Variants in BRINP3 observed in about 807,000 individuals in gnomAD.
BRINP3 encodes BMP/retinoic acid inducible neural specific 3, also known as BMP/retinoic acid-inducible neural-specific protein 3.
In BRINP3, 19 loss-of-function variants were observed where a neutral mutation model predicts 71.0. The observed-to-expected ratio is 0.27, with a 90% CI of 0.19 to 0.39. BRINP3 has a LOEUF of 0.39. Ranked by LOEUF, BRINP3 falls within the 10% of genes least tolerant of loss-of-function variation. BRINP3 has a pLI of 1.00. For missense variants in BRINP3, 959 were observed against 940.8 expected, an observed-to-expected ratio of 1.02 and a Z score of -0.25; for synonymous variants, 380 against 337.7, an observed-to-expected ratio of 1.13 and a Z score of -1.37.
At chr1:190,109,880 G>T (rs548759065) in intron 7 of BRINP3, among the ~76,000 whole-genome samples, 1 of 152,338 alleles carries the variant, frequency 6.6e-6, no homozygotes, top group Admixed American at 6.5e-5. Flanking sequence ...CTCTGGTTCA[G>T]AGGCTTTCAG....
At chr1:190,193,515 A>C (rs1159492953) in intron 6 of BRINP3, among the ~76,000 whole-genome samples, 6 of 152,006 alleles carry the variant, frequency 3.9e-5, no homozygotes, top group Non-Finnish European at 5.9e-5. Context: ...GCCCCTCCCC[A>C]AAAAATACAT....
chr1:190,436,136 G>A (rs1392439993), intron 2 of BRINP3, among the ~76,000 whole-genome samples: 1 of 151,604 alleles, frequency 6.6e-6, no homozygotes, highest in Admixed American at 6.6e-5. Context: ...TTTTTGCCCT[G>A]CTTATTTCAT....
intron 4 of BRINP3, among the ~76,000 whole-genome samples, chr1:190,236,171 G>T (rs1299590387): frequency 6.6e-6 from 1 of 151,846 alleles, no homozygotes; most frequent in Non-Finnish European, 1.5e-5. Flanking sequence ...ACATAACAAG[G>T]TTATGAAATG....
intron 5 of BRINP3, among the ~76,000 whole-genome samples, chr1:190,228,402 C>T (rs982281911): frequency 1.3e-5 from 2 of 151,434 alleles, no homozygotes; most frequent in Non-Finnish European, 2.9e-5. Context: ...AACCAAAGAA[C>T]TCGCGTACCA....
At chr1:190,222,662 G>A (rs1656996544) in intron 6 of BRINP3, among the ~76,000 whole-genome samples, 1 of 151,536 alleles carries the variant, frequency 6.6e-6, no homozygotes, top group Non-Finnish European at 1.5e-5. Flanking sequence ...AAAGGAAGAA[G>A]AGGCAAATAA....
In BRINP3 at chr1:190,276,780, T is replaced by A. The variant is rs74129267; in HGVS notation, c.427+4780A>T. On this transcript the variant is annotated intron_variant, in intron 3 of 7. Transcript: ENST00000367462. ...TTTTTATTCCAACAATGAAGAGAAT[T>A]TTTTTTGTATTGAAACAAAATTAAA... Among the ~76,000 whole-genome samples, 537 of 151,266 alleles carry A rather than the reference T, an allele frequency of 3.6e-3. 5 individuals carry two copies. Among genetic ancestry groups the A allele is most frequent in the African/African-American group, 0.012 (499 of 41,378 alleles).
intron 7 of BRINP3, among the ~76,000 whole-genome samples, chr1:190,154,834 C>T (rs769544560): frequency 1.3e-5 from 2 of 151,962 alleles, no homozygotes; most frequent in Non-Finnish European, 2.9e-5. Flanking sequence ...CATGGAAAAC[C>T]ATTTTTACTT....
intron 6 of BRINP3, among the ~76,000 whole-genome samples, chr1:190,187,791 T>C (rs1653669685): frequency 1.3e-5 from 2 of 152,070 alleles, no homozygotes; most frequent in Non-Finnish European, 2.9e-5. Flanking sequence ...AGCTTTATAG[T>C]GTATTTTGAG....
chr1:190,132,038 T>C (rs970393335), intron 7 of BRINP3, among the ~76,000 whole-genome samples: 14 of 152,014 alleles, frequency 9.2e-5, no homozygotes, highest in Admixed American at 2.0e-4. Flanking sequence ...AGTTTGCCAA[T>C]TGTCTGTAAT....
chr1:190,141,253 A>G (rs1442088041), intron 7 of BRINP3, among the ~76,000 whole-genome samples: 2 of 152,014 alleles, frequency 1.3e-5, no homozygotes, highest in African/African-American at 4.8e-5. Flanking sequence ...TTAATATAAT[A>G]TATTTTATAG....
intron 2 of BRINP3, among the ~76,000 whole-genome samples, chr1:190,394,562 C>A (rs921152455): frequency 8.6e-5 from 13 of 151,628 alleles, no homozygotes; most frequent in African/African-American, 3.1e-4. Context: ...TCCTAATCTT[C>A]TCTCAGATAA....
intron 1 of BRINP3, among the ~76,000 whole-genome samples, chr1:190,467,265 T>C (rs1354549652): frequency 6.6e-6 from 1 of 151,580 alleles, no homozygotes; most frequent in African/African-American, 2.4e-5. Context: ...AGCAAAAAAC[T>C]GTAAGCATCT....
At chr1:190,412,608 G>A (rs1672762155) in intron 2 of BRINP3, among the ~76,000 whole-genome samples, 1 of 149,336 alleles carries the variant, frequency 6.7e-6, no homozygotes, top group African/African-American at 2.4e-5. Context: ...GACTACAGGT[G>A]CCCGCCACTA....
At chr1:190,161,594 CTG>C (rs1352781893) in intron 6 of BRINP3, among the ~76,000 whole-genome samples, 8 of 151,934 alleles carry the variant, frequency 5.3e-5, no homozygotes, top group Admixed American at 6.6e-5. Context: ...AATAATTGTG[CTG>C]TCTTTTCAAC....
chr1:190,167,586 T>A (rs1366292040), intron 6 of BRINP3, among the ~76,000 whole-genome samples: 1 of 152,164 alleles, frequency 6.6e-6, no homozygotes, highest in Non-Finnish European at 1.5e-5. Flanking sequence ...CTCTTGCAGC[T>A]GTAGGGCTTC....
At chr1:190,432,982 T>C (rs1466381291) in intron 2 of BRINP3, among the ~76,000 whole-genome samples, 1 of 152,216 alleles carries the variant, frequency 6.6e-6, no homozygotes, top group Non-Finnish European at 1.5e-5. Flanking sequence ...ATATCAATTA[T>C]AGTGTTAAAT....
At chr1:190,382,101 T>C (rs1435611175) in intron 2 of BRINP3, among the ~76,000 whole-genome samples, 1 of 152,134 alleles carries the variant, frequency 6.6e-6, no homozygotes, top group African/African-American at 2.4e-5. Flanking sequence ...ATTTTTCTAC[T>C]TCTGGAAGTC....
chr1:190,165,694 A>T (rs970724037), intron 6 of BRINP3, among the ~76,000 whole-genome samples: 2 of 151,988 alleles, frequency 1.3e-5, no homozygotes, highest in Non-Finnish European at 2.9e-5. Flanking sequence ...GTGGCAAAAA[A>T]AAAAAAAATT....
rs572766069 is a variant in BRINP3, at chr1:190,125,731, G to A, written c.1185-26597C>T. Among the ~76,000 whole-genome samples the A allele has an allele frequency of 7.2e-5, 11 of 152,098 alleles. No homozygotes were observed. The East Asian group carries it at 1.2e-3, about 16-fold the overall frequency. On this transcript the variant is annotated intron_variant, in intron 7 of 7. Coordinates refer to ENST00000367462, the MANE Select transcript of BRINP3 (RefSeq NM_199051.3). Reference sequence around the variant, plus strand: ...AACTTTTTAGCTGAGTACAGAGATAGCCAGTCAGTCAAAGGCCAAATTTTC... The same window carrying A: ...AACTTTTTAGCTGAGTACAGAGATAACCAGTCAGTCAAAGGCCAAATTTTC...
Sources: allele counts gnomAD v4.1 joint callset (sites outside exome capture counted in the v4.1 genomes callset), GRCh38; gene constraint gnomAD v4.1.1; transcripts MANE v1.5; gene names NCBI Gene and HGNC (gene_info 2026-07-23, HGNC 2026-07-21).